Variants in FAM219B observed in about 807,000 individuals in gnomAD.
FAM219B encodes protein FAM219B.
A neutral mutation model predicts 19.9 loss-of-function variants in FAM219B; 18 were observed. The ratio of observed to expected loss-of-function variants is 0.91; its 90% confidence interval spans 0.63 to 1.34. FAM219B has a LOEUF of 1.34. Among genes scored for constraint, FAM219B ranks in the 40% most tolerant of loss-of-function variants. FAM219B has a pLI of 0.00. For missense variants in FAM219B, 283 were observed against 270.5 expected (o/e 1.05, Z -0.32); for synonymous variants, 123 against 117.5 (o/e 1.05, Z -0.30).
At chr15:74,906,494 G>T (rs1160517044) in intron 1 of FAM219B, 93 bp downstream of exon 1, 1 of 1,489,576 alleles carries the variant, frequency 6.7e-7, no homozygotes, top group African/African-American at 1.4e-5. Context: ...CCTTCCCTCC[G>T]GGGCCGAGGC....
At position 74,900,346 on chromosome 15, in the gene FAM219B, G is replaced by A. The variant is rs1217635075; in HGVS notation, c.*2273C>T. On this transcript the variant is annotated 3_prime_UTR_variant, in exon 5 of 5. Coordinates refer to ENST00000357635, the MANE Select transcript of FAM219B (RefSeq NM_020447.5). ...AGAAACCTCTTCTTCAGGGACAGTTGCAGCTGAATATGCCAGAGCTGATTA... is the reference window on the plus strand; with the variant it reads ...AGAAACCTCTTCTTCAGGGACAGTTACAGCTGAATATGCCAGAGCTGATTA... The A allele has an allele frequency of 6.6e-6, 1 of 152,286 alleles. No individual in the cohort carries two copies. Among genetic ancestry groups the A allele is most frequent in the Non-Finnish European group, 1.5e-5 (1 of 68,126 alleles). 9.4% of individuals were successfully genotyped at this position (152,286 alleles called of 1,614,324 possible).
Position 74,906,219 on chromosome 15 carries a change from C to T in FAM219B, c.302+59G>A, listed in dbSNP as rs77573052. Reference sequence around the variant, plus strand: ...TAAACCAGAGCACCCTGCCTCCGTCCTGGGGATTAAAGCCTTCTCTAAAGC... The same window carrying T: ...TAAACCAGAGCACCCTGCCTCCGTCTTGGGGATTAAAGCCTTCTCTAAAGC... On this transcript the variant is annotated intron_variant, in intron 2 of 4. Transcript: ENST00000357635. The T allele has an allele frequency of 5.4e-5, 85 of 1,575,020 alleles. No individual in the cohort carries two copies. The East Asian group carries it at 1.9e-3, about 36-fold the overall frequency.
In FAM219B at chr15:74,902,126, A is replaced by C; in HGVS notation, c.*493T>G. 2.5e-6 allele frequency: 1 copy of C among 398,734 alleles called. No homozygotes were observed. The highest frequency in any genetic ancestry group is 4.4e-5 in the Admixed American group (1 of 22,744). The allele number at this position is 398,734 out of a possible 1,614,324, so 24.7% of individuals were successfully genotyped here. On this transcript the variant is annotated 3_prime_UTR_variant, in exon 5 of 5. Coordinates refer to ENST00000357635, the MANE Select transcript of FAM219B (RefSeq NM_020447.5). ...GAAGGTCAAGCCTGCAAACCATCTT[A>C]GAGCTAGGAAGAATAGAGCAAACGG...
chr15:74,903,307 TA>T (rs1322060807), intron 4 of FAM219B, among the ~76,000 whole-genome samples: 4 of 151,942 alleles, frequency 2.6e-5, no homozygotes, highest in African/African-American at 9.7e-5. Context: ...TCACTGAACA[TA>T]AGAAAAATAA....
rs2065104211 is a variant in FAM219B at position 74,904,516 on chromosome 15, CG to C, written c.429+147del. 4.0e-5 allele frequency: 38 copies of C among 943,678 alleles called. 1 individual carries two copies. In the South Asian group the frequency reaches 4.9e-4, roughly 12 times the overall value. 58.5% of individuals were successfully genotyped at this position (943,678 alleles called of 1,614,324 possible). A position where few individuals can be genotyped will look rare whatever the true frequency, so the allele number is the denominator to read the frequency against. ...CCTCCTTGGTCACCTATACCTCCACCGGGGGAAGAGGGCAGAGTGGAAGATC... is the reference window on the plus strand; with the variant it reads ...CCTCCTTGGTCACCTATACCTCCACCGGGGAAGAGGGCAGAGTGGAAGATC... On this transcript the variant is annotated intron_variant, in intron 4 of 4. Coordinates refer to ENST00000357635, the MANE Select transcript of FAM219B (RefSeq NM_020447.5).
downstream of FAM219B, chr15:74,898,975 G>A (rs1291496400): frequency 6.6e-6 from 1 of 152,360 alleles, no homozygotes; most frequent in Non-Finnish European, 1.5e-5. Context: ...AGTTGCACTA[G>A]ACTGTACGGC....
At position 74,906,826 on chromosome 15, in the gene FAM219B, T is replaced by C; in HGVS notation, c.-26A>G. 8.0e-7 allele frequency: 1 copy of C among 1,251,526 alleles called. No individual in the cohort carries two copies. The highest frequency in any genetic ancestry group is 1.0e-6 in the Non-Finnish European group (1 of 999,536). The allele number at this position is 1,251,526 out of a possible 1,614,324, so 77.5% of individuals were successfully genotyped here. A position where few individuals can be genotyped will look rare whatever the true frequency, so the allele number is the denominator to read the frequency against. The stretch of plus-strand genomic sequence containing the variant: ...GGCCGGGCCCCGCCCTGCCGGATGG[T>C]GCAACCCCGCCCGTGGCGAAAGAGT... On this transcript the variant is annotated 5_prime_UTR_variant, in exon 1 of 5. Coordinates refer to ENST00000357635, the MANE Select transcript of FAM219B (RefSeq NM_020447.5).
rs2065014033 is a variant in FAM219B at position 74,902,732 on chromosome 15, C to T, written c.484G>A (p.Glu162Lys). 1 of 1,612,638 alleles carries T rather than the reference C, an allele frequency of 6.2e-7. No individual in the cohort carries two copies. The highest frequency in any genetic ancestry group is 8.5e-7 in the Non-Finnish European group (1 of 1,179,310). ...TCCAAGTCCTCGTCATCTGGAATCTCATCCAGGTGATACCCATCCTGAAGC... is the reference window on the plus strand; with the variant it reads ...TCCAAGTCCTCGTCATCTGGAATCTTATCCAGGTGATACCCATCCTGAAGC... ...QLLQDGYHLD[E>K]IPDDEDLDLI... Residue 162 changes from glutamate (E) to lysine (K), a missense_variant, in exon 5 of 5, where the codon GAG becomes AAG. Physicochemically the swap from Glu to Lys is moderately conservative, Grantham distance 56. Transcript: ENST00000357635.
At chr15:74,906,406 T>G in intron 1 of FAM219B, 41 bp from the exon 2 acceptor site, 1 of 1,574,734 alleles carries the variant, frequency 6.4e-7, no homozygotes, top group Non-Finnish European at 8.6e-7. Flanking sequence ...TCTTCCCCAC[T>G]CCGCCGCGTC....
At position 74,903,487 on chromosome 15, in the gene FAM219B, G is replaced by C. The variant is rs149487806; in HGVS notation, c.430-701C>G. On this transcript the variant is annotated intron_variant, in intron 4 of 4. Coordinates refer to ENST00000357635, the MANE Select transcript of FAM219B (RefSeq NM_020447.5). Reference sequence around the variant, plus strand: ...GTGACGGCGGGCGCCTGTAGTCCCAGCTACTCGGGAGGCTGAGGCAGGAGA... The same window carrying C: ...GTGACGGCGGGCGCCTGTAGTCCCACCTACTCGGGAGGCTGAGGCAGGAGA... Among the ~76,000 whole-genome samples the C allele has an allele frequency of 1.5e-3, 222 of 151,028 alleles. 1 individual carries two copies. In the East Asian group the frequency reaches 0.04, roughly 27 times the overall value.
rs1187430149 is a variant in FAM219B at position 74,901,027 on chromosome 15, A to G, written c.*1592T>C. The G allele has an allele frequency of 6.6e-6, 1 of 152,232 alleles. No homozygotes were observed. Among genetic ancestry groups the G allele is most frequent in the Non-Finnish European group, 1.5e-5 (1 of 68,046 alleles). 9.4% of individuals were successfully genotyped at this position (152,232 alleles called of 1,614,324 possible). Reference sequence around the variant, plus strand: ...TAGTCACCCCTTGTGGTAGAGCGAAAAGAGTGTGTTGTCCCTCTCATGCCT... The same window carrying G: ...TAGTCACCCCTTGTGGTAGAGCGAAGAGAGTGTGTTGTCCCTCTCATGCCT... On this transcript the variant is annotated 3_prime_UTR_variant, in exon 5 of 5. Coordinates refer to ENST00000357635, the MANE Select transcript of FAM219B (RefSeq NM_020447.5).
At chr15:74,906,405 C>T in intron 1 of FAM219B, 40 bp from the exon 2 acceptor site, 1 of 1,576,658 alleles carries the variant, frequency 6.3e-7, no homozygotes. Flanking sequence ...GTCTTCCCCA[C>T]TCCGCCGCGT....
chr15:74,905,047 G>A (rs2141247533), intron 3 of FAM219B, 107 bp downstream of exon 3: 2 of 1,583,046 alleles, frequency 1.3e-6, no homozygotes, highest in Non-Finnish European at 1.7e-6. Flanking sequence ...GCCCTGGAAT[G>A]TACATGAAGG....
rs911417469 is a variant in FAM219B, at chr15:74,901,892, C to T, written c.*727G>A. ...GGAAATACAAATAAATAAATATGAA[C>T]ATGTCAGAGCAGTTTTTCTCTAACT... On this transcript the variant is annotated 3_prime_UTR_variant, in exon 5 of 5. Transcript: ENST00000357635. The T allele has an allele frequency of 2.6e-6, 1 of 388,056 alleles. No individual in the cohort carries two copies. The highest frequency in any genetic ancestry group is 4.5e-5 in the Admixed American group (1 of 22,312). The allele number at this position is 388,056 out of a possible 1,614,324, so 24.0% of individuals were successfully genotyped here. A position where few individuals can be genotyped will look rare whatever the true frequency, so the allele number is the denominator to read the frequency against.
rs994430536 is a variant in FAM219B at position 74,902,169 on chromosome 15, TCAAA to T, written c.*446_*449del. ...GCAAACGGAATTTCTCGAACTGGTC[TCAAA>T]CAGTTTCTTTTTTGGATTGCCAGCT... On this transcript the variant is annotated 3_prime_UTR_variant, in exon 5 of 5. Coordinates refer to ENST00000357635, the MANE Select transcript of FAM219B (RefSeq NM_020447.5). The T allele has an allele frequency of 9.6e-4, 383 of 398,626 alleles. No individual in the cohort carries two copies. Among genetic ancestry groups the T allele is most frequent in the Non-Finnish European group, 1.3e-3 (296 of 226,108 alleles). 24.7% of individuals were successfully genotyped at this position (398,626 alleles called of 1,614,324 possible).
intron 4 of FAM219B, among the ~76,000 whole-genome samples, chr15:74,904,041 C>T (rs1288053536): frequency 2.0e-5 from 3 of 152,134 alleles, no homozygotes; most frequent in Non-Finnish European, 2.9e-5. Flanking sequence ...CTCAGAGAAA[C>T]TAGAGTTGCT....
chr15:74,904,799 T>TG, intron 3 of FAM219B, 87 bp from the exon 4 acceptor site: 1 of 1,569,248 alleles, frequency 6.4e-7, no homozygotes, highest in Admixed American at 1.7e-5. Context: ...CAAGGGCATC[T>TG]GGAAGACTTT....
chr15:74,901,911 T>C lies in FAM219B; in HGVS notation c.*708A>G, dbSNP rs2064975967. ...TATGAACATGTCAGAGCAGTTTTTC[T>C]CTAACTAGGGAAGGGCAAACCAGAA... On this transcript the variant is annotated 3_prime_UTR_variant, in exon 5 of 5. Coordinates refer to ENST00000357635, the MANE Select transcript of FAM219B (RefSeq NM_020447.5). The C allele has an allele frequency of 2.5e-6, 1 of 394,080 alleles. No individual in the cohort carries two copies. Among genetic ancestry groups the C allele is most frequent in the Non-Finnish European group, 4.5e-6 (1 of 223,708 alleles). The allele number at this position is 394,080 out of a possible 1,614,324, so 24.4% of individuals were successfully genotyped here.
chr15:74,898,394 A>G (rs1307161521), downstream of FAM219B: 1 of 170,184 alleles, frequency 5.9e-6, no homozygotes. Context: ...AAGGAGTGGG[A>G]GAGGAAGCCA....
Sources: gnomAD v4.1 joint callset for allele counts (sites outside exome capture counted in the v4.1 genomes callset) on GRCh38, gnomAD v4.1.1 for gene constraint, MANE v1.5 for transcripts, NCBI Gene and HGNC (gene_info 2026-07-23, HGNC 2026-07-21) for gene names.